Variants in FUT8 observed in about 807,000 individuals in gnomAD.
FUT8 encodes alpha-(1,6)-fucosyltransferase.
In FUT8, 29 loss-of-function variants were observed where a neutral mutation model predicts 71.3. That is an observed-to-expected ratio of 0.41 (90% confidence interval 0.30 to 0.55). FUT8 has a LOEUF of 0.55. FUT8 is among the 20% of genes least tolerant of loss of function. The pLI, the probability that FUT8 is intolerant of heterozygous loss-of-function variation, is 0.34. For synonymous variants in FUT8, 254 were observed against 239.3 expected, an observed-to-expected ratio of 1.06 and a Z score of -0.57; for missense variants, 544 against 702.1, an observed-to-expected ratio of 0.77 and a Z score of 2.55.
intron 9 of FUT8, among the ~76,000 whole-genome samples, chr14:65,727,731 G>A (rs893457467): frequency 6.6e-6 from 1 of 152,132 alleles, no homozygotes; most frequent in Non-Finnish European, 1.5e-5. Context: ...TCTGCAGCTG[G>A]CTTGAATTTC....
chr14:65,528,788 A>G (rs1883714833), intron 2 of FUT8: 1 of 152,220 alleles, frequency 6.6e-6, no homozygotes, highest in South Asian at 2.1e-4. Context: ...CTGAAGTTAT[A>G]TGGCTTCATT....
At chr14:65,538,208 C>T (rs192731382) in intron 2 of FUT8, among the ~76,000 whole-genome samples, 53 of 152,316 alleles carry the variant, frequency 3.5e-4, no homozygotes, top group Non-Finnish European at 1.2e-4. Context: ...AGCAGCTTTC[C>T]CTGCCAACTC....
chr14:65,734,341 A>T (rs1481100009), intron 10 of FUT8, among the ~76,000 whole-genome samples: 1 of 152,200 alleles, frequency 6.6e-6, no homozygotes, highest in Non-Finnish European at 1.5e-5. Flanking sequence ...AGTAAAAGGA[A>T]ATGGAGACTT....
intron 2 of FUT8, chr14:65,479,646 C>T (rs2066299409): frequency 6.6e-6 from 1 of 152,164 alleles, no homozygotes; most frequent in South Asian, 2.1e-4. Context: ...CCTTCTATCC[C>T]CCTCCCCTCC....
At chr14:65,480,752 T>C (rs1050709167) in intron 2 of FUT8, among the ~76,000 whole-genome samples, 16 of 152,062 alleles carry the variant, frequency 1.1e-4, no homozygotes, top group Non-Finnish European at 2.9e-5. Context: ...AGTGGTACTA[T>C]CTCGGCTCAC....
chr14:65,364,868 A>C, the FUT8 span, among the ~76,000 whole-genome samples: 6,795 of 152,136 alleles, frequency 0.045, 277 homozygotes, highest in South Asian at 0.17. Flanking sequence ...GCAGTGTCAC[A>C]TCATTCCTGG....
At chr14:65,593,578 T>A (rs1887803665) in intron 3 of FUT8, among the ~76,000 whole-genome samples, 2 of 126,900 alleles carry the variant, frequency 1.6e-5, no homozygotes, top group South Asian at 4.8e-4. Context: ...TTTCTTTTCT[T>A]TTCTTTTTTT....
At chr14:65,735,159 TCC>T in intron 10 of FUT8, among the ~76,000 whole-genome samples, 1 of 152,062 alleles carries the variant, frequency 6.6e-6, no homozygotes, top group Non-Finnish European at 1.5e-5. Flanking sequence ...CTTCTCCCAA[TCC>T]TCCTTAGTAA....
chr14:65,551,436 A>G (rs1260787239), intron 2 of FUT8, among the ~76,000 whole-genome samples: 2 of 152,216 alleles, frequency 1.3e-5, no homozygotes, highest in Non-Finnish European at 2.9e-5. Context: ...AGTTTTGGTT[A>G]TAAAGATAAG....
At position 65,525,401 on chromosome 14, in the gene FUT8, G is replaced by T. The variant is rs561811622; in HGVS notation, c.-227-35936G>T. Among the ~76,000 whole-genome samples, 2 of 152,216 alleles carry T rather than the reference G, an allele frequency of 1.3e-5. 1 individual carries two copies. The highest frequency in any genetic ancestry group is 4.1e-4 in the South Asian group (2 of 4,824). ...GGTAGTTTGTATTTCTGTGGGATTGGTGATGATATCCCCTTTATCATTTTT... is the reference window on the plus strand; with the variant it reads ...GGTAGTTTGTATTTCTGTGGGATTGTTGATGATATCCCCTTTATCATTTTT... On this transcript the variant is annotated intron_variant, in intron 2 of 10. Transcript: ENST00000673929.
rs375509805 is a variant in FUT8 at position 65,707,709 on chromosome 14, A to G, written c.836-14066A>G. 6.6e-5 allele frequency among the ~76,000 whole-genome samples: 10 copies of G among 152,090 alleles called. No individual in the cohort carries two copies. The East Asian group carries it at 1.5e-3, about 23-fold the overall frequency. ...TTCCTCTGCATATCCAGTTTTCCCAATACTGTTTATTGAAGAGATGAGCCT... is the reference window on the plus strand; with the variant it reads ...TTCCTCTGCATATCCAGTTTTCCCAGTACTGTTTATTGAAGAGATGAGCCT... On this transcript the variant is annotated intron_variant, in intron 7 of 10. Coordinates refer to ENST00000673929, the MANE Select transcript of FUT8 (RefSeq NM_001371533.1).
At chr14:65,602,202 C>T (rs1888323519) in intron 3 of FUT8, among the ~76,000 whole-genome samples, 1 of 150,240 alleles carries the variant, frequency 6.7e-6, no homozygotes, top group Non-Finnish European at 1.5e-5. Flanking sequence ...AGCTTAGCTC[C>T]CACTTATGAG....
intron 2 of FUT8, among the ~76,000 whole-genome samples, chr14:65,551,597 G>A (rs1168231132): frequency 6.6e-6 from 1 of 152,182 alleles, no homozygotes; most frequent in Non-Finnish European, 1.5e-5. Context: ...GGAGAAAACT[G>A]TTGCAGATGA....
At chr14:65,698,004 G>A (rs1437420343) in intron 7 of FUT8, among the ~76,000 whole-genome samples, 1 of 149,000 alleles carries the variant, frequency 6.7e-6, no homozygotes, top group South Asian at 2.1e-4. Context: ...AAAAAAAAAA[G>A]GAATATGAAA....
chr14:65,681,251 A>G (rs1893020006), intron 7 of FUT8, among the ~76,000 whole-genome samples: 1 of 152,224 alleles, frequency 6.6e-6, no homozygotes, highest in Non-Finnish European at 1.5e-5. Flanking sequence ...GATAAGCAGA[A>G]TGGTCCTTGA....
the FUT8 span, among the ~76,000 whole-genome samples, chr14:65,358,552 C>A: frequency 2.0e-5 from 3 of 152,030 alleles, no homozygotes; most frequent in Non-Finnish European, 4.4e-5. Context: ...TCCTCAGGCT[C>A]AAGCGATCCT....
intron 3 of FUT8, among the ~76,000 whole-genome samples, chr14:65,593,663 C>T (rs1361964988): frequency 2.6e-5 from 4 of 152,132 alleles, no homozygotes; most frequent in African/African-American, 9.7e-5. Flanking sequence ...ACAACCTCTG[C>T]CTCCTGGGTT....
At chr14:65,497,950 A>G (rs1218200101) in intron 2 of FUT8, among the ~76,000 whole-genome samples, 2 of 152,164 alleles carry the variant, frequency 1.3e-5, no homozygotes, top group African/African-American at 4.8e-5. Flanking sequence ...GCTAACTAGA[A>G]GAAAAGCATA....
At chr14:65,568,221 C>T (rs1886297858) in intron 3 of FUT8, among the ~76,000 whole-genome samples, 3 of 151,486 alleles carry the variant, frequency 2.0e-5, no homozygotes, top group Non-Finnish European at 4.4e-5. Context: ...TTCTTAGTGC[C>T]ATTTTATTTT....
Sources: gnomAD v4.1 joint callset for allele counts (sites outside exome capture counted in the v4.1 genomes callset) on GRCh38, gnomAD v4.1.1 for gene constraint, MANE v1.5 for transcripts, NCBI Gene and HGNC (gene_info 2026-07-23, HGNC 2026-07-21) for gene names.